Variants in XYLT1 observed in about 807,000 individuals in gnomAD.
The protein encoded by XYLT1 is beta-D-xylosyltransferase 1.
In XYLT1, 36 loss-of-function variants were observed where a neutral mutation model predicts 91.3. The ratio of observed to expected loss-of-function variants is 0.39; its 90% CI spans 0.30 to 0.52. XYLT1 has a LOEUF of 0.52. XYLT1 is among the 20% of genes least tolerant of loss of function. The pLI is 0.68. For synonymous variants in XYLT1, 588 were observed against 532.0 expected, an observed-to-expected ratio of 1.11 and a Z score of -1.45; for missense variants, 1,242 against 1,284.5, an observed-to-expected ratio of 0.97 and a Z score of 0.51.
At chr16:17,385,883 G>A (rs1220269867) in intron 1 of XYLT1, among the ~76,000 whole-genome samples, 1 of 152,166 alleles carries the variant, frequency 6.6e-6, no homozygotes, top group Non-Finnish European at 1.5e-5. Context: ...AACTAACAGT[G>A]GCAATAGATG....
At chr16:17,206,655 G>A (rs532495980) in intron 3 of XYLT1, among the ~76,000 whole-genome samples, 10 of 152,304 alleles carry the variant, frequency 6.6e-5, no homozygotes, top group African/African-American at 2.4e-4. Context: ...AGGACTGCTT[G>A]AGTCCAGGAG....
chr16:17,420,578 G>A (rs2036238513), intron 1 of XYLT1, among the ~76,000 whole-genome samples: 1 of 152,102 alleles, frequency 6.6e-6, no homozygotes, highest in Non-Finnish European at 1.5e-5. Flanking sequence ...AACACTTCAA[G>A]AGAACAAGGC....
At chr16:17,161,299 G>A (rs1347531067) in intron 5 of XYLT1, among the ~76,000 whole-genome samples, 3 of 152,212 alleles carry the variant, frequency 2.0e-5, no homozygotes, top group Non-Finnish European at 4.4e-5. Flanking sequence ...TTGGGGGAGG[G>A]AGGGTGGATG....
At chr16:17,355,992 C>T (rs1375498450) in intron 2 of XYLT1, among the ~76,000 whole-genome samples, 4 of 151,930 alleles carry the variant, frequency 2.6e-5, no homozygotes, top group African/African-American at 7.3e-5. Context: ...GGGATACAGG[C>T]GTTAGCCACC....
At chr16:17,214,986 G>A (rs1056304402) in intron 3 of XYLT1, among the ~76,000 whole-genome samples, 10 of 152,102 alleles carry the variant, frequency 6.6e-5, no homozygotes, top group African/African-American at 1.7e-4. Context: ...CGTGTCCCCC[G>A]AAAATTAATA....
At chr16:17,366,740 G>A (rs1382491227) in intron 1 of XYLT1, among the ~76,000 whole-genome samples, 1 of 152,084 alleles carries the variant, frequency 6.6e-6, no homozygotes, top group Non-Finnish European at 1.5e-5. Flanking sequence ...AGAACTCCAG[G>A]AGGCAGGCAC....
intron 1 of XYLT1, among the ~76,000 whole-genome samples, chr16:17,377,473 C>T (rs2035617914): frequency 1.3e-5 from 2 of 152,112 alleles, no homozygotes; most frequent in South Asian, 4.1e-4. Flanking sequence ...GCGGGACAGC[C>T]AGCCTGCTCT....
chr16:17,366,265 G>T (rs1015136208), intron 1 of XYLT1, among the ~76,000 whole-genome samples: 1 of 152,158 alleles, frequency 6.6e-6, no homozygotes, highest in African/African-American at 2.4e-5. Flanking sequence ...GCAAGCAACA[G>T]AATTTATCAC....
intron 2 of XYLT1, among the ~76,000 whole-genome samples, chr16:17,286,120 C>T (rs2034137574): frequency 6.6e-6 from 1 of 152,160 alleles, no homozygotes; most frequent in African/African-American, 2.4e-5. Context: ...TCTATTATTA[C>T]TCCAAACATA....
chr16:17,132,674 G>A (rs140662522), intron 9 of XYLT1, among the ~76,000 whole-genome samples: 42 of 152,288 alleles, frequency 2.8e-4, no homozygotes, highest in South Asian at 8.3e-4. Context: ...AGGCTGAAGC[G>A]GGAGGATTGC....
chr16:17,466,001 C>T (rs1165300865), intron 1 of XYLT1, among the ~76,000 whole-genome samples: 2 of 152,210 alleles, frequency 1.3e-5, no homozygotes, highest in African/African-American at 4.8e-5. Context: ...GGGTACTCAA[C>T]AGAGGCCTCT....
intron 1 of XYLT1, among the ~76,000 whole-genome samples, chr16:17,359,874 CAGAA>C (rs1477867981): frequency 3.3e-5 from 5 of 152,272 alleles, no homozygotes; most frequent in African/African-American, 1.2e-4. Flanking sequence ...CACTCGCATG[CAGAA>C]AGAGTCTACT....
rs530746864 is a variant in XYLT1 at position 17,207,102 on chromosome 16, G to C, written c.914-6448C>G. 1.0e-4 allele frequency among the ~76,000 whole-genome samples: 14 copies of C among 136,070 alleles called. 1 individual carries two copies. In the South Asian group the frequency reaches 2.7e-3, roughly 27 times the overall value. 89.3% of individuals were successfully genotyped at this position (136,070 alleles called of 152,430 possible). ...GACAGAGTTTCACTCTTGTCACCTA[G>C]GCTGGAGTGCAATGGTGCAATCTTG... On this transcript the variant is annotated intron_variant, in intron 3 of 11. Transcript: ENST00000261381.
In XYLT1 at chr16:17,103,319, A is replaced by G. The variant is rs1419653823; in HGVS notation, c.*5376T>C. On this transcript the variant is annotated 3_prime_UTR_variant, in exon 12 of 12. Transcript: ENST00000261381. ...CCCATTACAGCAGCAGTATGCTCTGAGAGAGTGCTTCAGGAGTTGGCTGAG... is the reference window on the plus strand; with the variant it reads ...CCCATTACAGCAGCAGTATGCTCTGGGAGAGTGCTTCAGGAGTTGGCTGAG... 6.6e-6 allele frequency: 1 copy of G among 152,662 alleles called. No individual in the cohort carries two copies. The highest frequency in any genetic ancestry group is 1.5e-5 in the Non-Finnish European group (1 of 68,040). 9.5% of individuals were successfully genotyped at this position (152,662 alleles called of 1,614,324 possible). A position where few individuals can be genotyped will look rare whatever the true frequency, so the allele number is the denominator to read the frequency against.
chr16:17,419,891 C>A (rs2036229932), intron 1 of XYLT1, among the ~76,000 whole-genome samples: 2 of 152,110 alleles, frequency 1.3e-5, no homozygotes, highest in African/African-American at 4.8e-5. Flanking sequence ...AGTTAGGAAA[C>A]CACTGGGTCA....
chr16:17,122,375 G>A (rs11075340), intron 10 of XYLT1, among the ~76,000 whole-genome samples: 134,577 of 152,240 alleles, frequency 0.88, 60,424 homozygotes, highest in Non-Finnish European at 0.96. Flanking sequence ...TCATATGTTC[G>A]TTGGCCATTT....
chr16:17,457,708 C>T (rs1055219868), intron 1 of XYLT1, among the ~76,000 whole-genome samples: 5 of 152,190 alleles, frequency 3.3e-5, no homozygotes, highest in Admixed American at 6.5e-5. Flanking sequence ...GACAAGCAAA[C>T]GGGGTTCTCA....
intron 1 of XYLT1, among the ~76,000 whole-genome samples, chr16:17,433,098 T>C (rs1462481652): frequency 6.6e-6 from 1 of 151,860 alleles, no homozygotes; most frequent in Admixed American, 6.6e-5. Flanking sequence ...TGACAAAGGC[T>C]CAGCCCATCA....
intron 5 of XYLT1, among the ~76,000 whole-genome samples, chr16:17,180,516 A>T (rs1393282571): frequency 2.0e-5 from 3 of 152,168 alleles, no homozygotes; most frequent in Non-Finnish European, 2.9e-5. Context: ...GATGAATACA[A>T]TTAAATTGCA....
Sources: allele counts gnomAD v4.1 joint callset (sites outside exome capture counted in the v4.1 genomes callset), GRCh38; gene constraint gnomAD v4.1.1; transcripts MANE v1.5; gene names NCBI Gene and HGNC (gene_info 2026-07-23, HGNC 2026-07-21).